TEX9: variants seen among roughly 807,000 people sequenced by gnomAD.
The protein encoded by TEX9 is testis-expressed protein 9.
A neutral mutation model predicts 59.6 loss-of-function variants in TEX9; 74 were observed. The ratio of observed to expected loss-of-function variants is 1.24; its 90% confidence interval spans 1.03 to 1.51. The LOEUF is 1.51. Ranked by LOEUF, TEX9 falls within the 40% of genes most tolerant of loss-of-function variation. The pLI is 0.00. For missense variants in TEX9, 522 were observed against 447.8 expected, an observed-to-expected ratio of 1.17 and a Z score of -1.49; for synonymous variants, 186 against 152.2, an observed-to-expected ratio of 1.22 and a Z score of -1.64.
chr15:56,452,770 G>A, the TEX9 span, among the ~76,000 whole-genome samples: 1 of 151,874 alleles, frequency 6.6e-6, no homozygotes, highest in Non-Finnish European at 1.5e-5. Context: ...CACTCACCTC[G>A]GCCTCCCAAA....
rs529215150 is a variant in TEX9 at position 56,428,546 on chromosome 15, G to C, written c.*29+73G>C. 20 of 725,058 alleles carry C rather than the reference G, an allele frequency of 2.8e-5. 1 individual carries two copies. Among genetic ancestry groups the C allele is most frequent in the Admixed American group, 2.7e-4 (10 of 36,910 alleles). 44.9% of individuals were successfully genotyped at this position (725,058 alleles called of 1,614,324 possible). A position where few individuals can be genotyped will look rare whatever the true frequency, so the allele number is the denominator to read the frequency against. On this transcript the variant is annotated intron_variant, in intron 12 of 12. Coordinates refer to ENST00000352903, the Ensembl canonical transcript of TEX9. ...TTTATTCTTCATAAGTAATATATTTGATTATGAAAGCAAAATAATTTCAAA... is the reference window on the plus strand; with the variant it reads ...TTTATTCTTCATAAGTAATATATTTCATTATGAAAGCAAAATAATTTCAAA...
exon 4 of TEX9, chr15:56,383,999 A>C: frequency 6.2e-7 from 1 of 1,612,868 alleles, no homozygotes; most frequent in Non-Finnish European, 8.5e-7. Context: ...CACAAATGAA[A>C]TCATGTGATG....
intron 1 of TEX9, among the ~76,000 whole-genome samples, chr15:56,266,668 A>G (rs1327655948): frequency 2.0e-5 from 3 of 151,976 alleles, no homozygotes; most frequent in Non-Finnish European, 2.9e-5. Context: ...ATCCTTTTTT[A>G]TGGTTGCATA....
chr15:56,381,262 A>G (rs1260621475), intron 3 of TEX9, among the ~76,000 whole-genome samples: 1 of 152,088 alleles, frequency 6.6e-6, no homozygotes, highest in Non-Finnish European at 1.5e-5. Flanking sequence ...TAATTATGTC[A>G]ATCTGTTCGT....
intron 1 of TEX9, among the ~76,000 whole-genome samples, chr15:56,355,968 A>G (rs1004566436): frequency 6.6e-6 from 1 of 152,106 alleles, no homozygotes; most frequent in East Asian, 1.9e-4. Context: ...ATATAGAAGT[A>G]TAATTAATTT....
At chr15:56,284,277 G>T (rs370053828) in intron 1 of TEX9, among the ~76,000 whole-genome samples, 3 of 152,030 alleles carry the variant, frequency 2.0e-5, no homozygotes, top group Non-Finnish European at 4.4e-5. Flanking sequence ...GATTACAGGC[G>T]TGAGCCACAA....
rs540865361 is a variant in TEX9, at chr15:56,442,620, A to G, written c.*30-3051A>G. Among the ~76,000 whole-genome samples, 9 of 152,354 alleles carry G rather than the reference A, an allele frequency of 5.9e-5. No homozygotes were observed. In the South Asian group the frequency reaches 1.9e-3, roughly 32 times the overall value. On this transcript the variant is annotated intron_variant, in intron 12 of 12. Transcript: ENST00000352903. ...GGATGGAGCTGGAGGCCATTAGCCT[A>G]TGCTAATTAATGCAGGGATAGAAAA...
chr15:56,390,451 A>G (rs1169048503), intron 6 of TEX9, among the ~76,000 whole-genome samples: 2 of 152,196 alleles, frequency 1.3e-5, no homozygotes, highest in South Asian at 2.1e-4. Context: ...CATCTCATGT[A>G]CCTCATAAAT....
intron 7 of TEX9, among the ~76,000 whole-genome samples, chr15:56,393,044 A>G (rs2048292119): frequency 6.6e-6 from 1 of 152,150 alleles, no homozygotes; most frequent in African/African-American, 2.4e-5. Context: ...TCGAGTGGGG[A>G]GCAGAGTTTA....
At chr15:56,293,985 G>T (rs2045160189) in intron 1 of TEX9, among the ~76,000 whole-genome samples, 1 of 152,162 alleles carries the variant, frequency 6.6e-6, no homozygotes, top group South Asian at 2.1e-4. Context: ...GGTATTTGGG[G>T]AACCCCCACA....
chr15:56,251,479 G>A (rs1187837730), intron 1 of TEX9, among the ~76,000 whole-genome samples: 3 of 152,094 alleles, frequency 2.0e-5, no homozygotes, highest in African/African-American at 7.2e-5. Flanking sequence ...TAAAACCTTT[G>A]CCCAAGGAAG....
At chr15:56,277,553 A>G (rs1380599544) in intron 1 of TEX9, among the ~76,000 whole-genome samples, 2 of 152,162 alleles carry the variant, frequency 1.3e-5, no homozygotes, top group African/African-American at 2.4e-5. Flanking sequence ...TGGTACCAGT[A>G]CTATGCTGTT....
intron 9 of TEX9, among the ~76,000 whole-genome samples, chr15:56,400,368 T>C (rs2048708347): frequency 6.6e-6 from 1 of 151,872 alleles, no homozygotes; most frequent in Admixed American, 6.6e-5. Flanking sequence ...TTTGATCAAG[T>C]GAAAGAAAGG....
chr15:56,276,163 GT>G (rs2141425946), intron 1 of TEX9, among the ~76,000 whole-genome samples: 1 of 151,592 alleles, frequency 6.6e-6, no homozygotes, highest in Admixed American at 6.6e-5. Context: ...TTTAATTTTA[GT>G]TTTTTATTTT....
intron 10 of TEX9, among the ~76,000 whole-genome samples, chr15:56,418,967 G>T (rs1200455146): frequency 6.6e-6 from 1 of 151,820 alleles, no homozygotes. Flanking sequence ...TAGGCATTGT[G>T]TTGAATCTAT....
chr15:56,412,184 G>GTA, intron 9 of TEX9, 118 bp from the exon 10 acceptor site: 1 of 883,090 alleles, frequency 1.1e-6, no homozygotes, highest in Non-Finnish European at 1.7e-6. Flanking sequence ...GTGTGTGTGT[G>GTA]TGTGTGTGTA....
At chr15:56,391,019 C>T in intron 6 of TEX9, among the ~76,000 whole-genome samples, 1 of 151,972 alleles carries the variant, frequency 6.6e-6, no homozygotes, top group East Asian at 1.9e-4. Flanking sequence ...TAATATAGTC[C>T]TTGAAAGTAT....
chr15:56,428,101 T>G (rs1312579506), intron 11 of TEX9, among the ~76,000 whole-genome samples: 2 of 152,058 alleles, frequency 1.3e-5, no homozygotes, highest in African/African-American at 4.8e-5. Flanking sequence ...TCTCTAAAAA[T>G]TCATAGTTCT....
At chr15:56,364,979 T>C (rs2141939440), upstream of TEX9, among the ~76,000 whole-genome samples, 1 of 152,320 alleles carries the variant, frequency 6.6e-6, no homozygotes, top group East Asian at 1.9e-4. Flanking sequence ...GATAATAATT[T>C]AGGTTGACTA....
Sources: gnomAD v4.1 joint callset for allele counts (sites outside exome capture counted in the v4.1 genomes callset) on GRCh38, gnomAD v4.1.1 for gene constraint, MANE v1.5 for transcripts, NCBI Gene and HGNC (gene_info 2026-07-23, HGNC 2026-07-21) for gene names.